Variants in FUBP1 observed in about 807,000 individuals in gnomAD.
FUBP1 encodes the protein far upstream element binding protein 1, also known as far upstream element-binding protein 1.
A neutral mutation model predicts 94.9 loss-of-function variants in FUBP1; 16 were observed. The ratio of observed to expected loss-of-function variants is 0.17; its 90% CI spans 0.11 to 0.26. FUBP1 has a LOEUF of 0.26. FUBP1 is among the 10% of genes least tolerant of loss of function. The pLI, the probability that FUBP1 is intolerant of heterozygous loss-of-function variation, is 1.00. For synonymous variants in FUBP1, 279 were observed against 254.9 expected (o/e 1.09, Z -0.90); for missense variants, 583 against 808.6 (o/e 0.72, Z 3.38).
At position 77,944,098 on chromosome 1, in the gene FUBP1, A is replaced by G. The variant is rs1294597357; in HGVS notation, c.*4668T>C. 1 of 185,626 alleles carries G rather than the reference A, an allele frequency of 5.4e-6. No individual in the cohort carries two copies. Among genetic ancestry groups the G allele is most frequent in the Non-Finnish European group, 1.1e-5 (1 of 87,664 alleles). The allele number at this position is 185,626 out of a possible 1,614,324, so 11.5% of individuals were successfully genotyped here. A position where few individuals can be genotyped will look rare whatever the true frequency, so the allele number is the denominator to read the frequency against. ...ATTTATTGAGGAAACCATAATGAAT[A>G]CAAAATTACAGCAATCATGTGACCT... On this transcript the variant is annotated 3_prime_UTR_variant, in exon 20 of 20. Transcript: ENST00000370768.
At chr1:77,974,221 C>T (rs1442462905) in intron 1 of FUBP1, among the ~76,000 whole-genome samples, 1 of 151,310 alleles carries the variant, frequency 6.6e-6, no homozygotes, top group Admixed American at 6.6e-5. Flanking sequence ...CTGCAAGCTC[C>T]ACCTCCCGGG....
chr1:77,949,113 C>T, intron 19 of FUBP1, 42 bp downstream of exon 19: 1 of 1,563,742 alleles, frequency 6.4e-7, no homozygotes, highest in South Asian at 1.1e-5. Context: ...ATGCAGAAAA[C>T]AGACTGGAGT....
intron 14 of FUBP1, among the ~76,000 whole-genome samples, chr1:77,961,529 C>T (rs1047141398): frequency 2.6e-5 from 4 of 152,186 alleles, no homozygotes; most frequent in African/African-American, 9.7e-5. Flanking sequence ...ATCCCTACAA[C>T]TCTATGAAGT....
intron 2 of FUBP1, among the ~76,000 whole-genome samples, chr1:77,969,502 T>C (rs553633930): frequency 5.1e-4 from 78 of 152,004 alleles, no homozygotes; most frequent in Admixed American, 3.1e-3. Flanking sequence ...TAGCAAACTA[T>C]AGGAATTTCA....
chr1:77,968,965 C>A, intron 2 of FUBP1: 1 of 551,238 alleles, frequency 1.8e-6, no homozygotes, highest in Non-Finnish European at 3.2e-6. Context: ...ATTTAAGAAT[C>A]CACTGGTTTA....
chr1:77,966,686 A>C lies in FUBP1; in HGVS notation c.473+8T>G, dbSNP rs199808878. 1.4e-6 allele frequency: 2 copies of C among 1,428,148 alleles called. No individual in the cohort carries two copies. Among genetic ancestry groups the C allele is most frequent in the Admixed American group, 3.4e-5 (2 of 58,362 alleles). 88.5% of individuals were successfully genotyped at this position (1,428,148 alleles called of 1,614,324 possible). On this transcript the variant is annotated splice_region_variant and intron_variant, in intron 7 of 19. Transcript: ENST00000370768. ...CTTAAGTAGATTTTTAAGATTTTTC[A>C]AACTTACTGGACAGATTCAGGTGTT...
intron 17 of FUBP1, among the ~76,000 whole-genome samples, chr1:77,955,835 C>T (rs917605870): frequency 6.6e-6 from 1 of 152,108 alleles, no homozygotes; most frequent in Non-Finnish European, 1.5e-5. Flanking sequence ...AACAAGCATA[C>T]TCAAGTCTCG....
chr1:77,979,247 G>A (rs1659378749), upstream of FUBP1: 1 of 480,890 alleles, frequency 2.1e-6, no homozygotes, highest in Non-Finnish European at 3.7e-6. Flanking sequence ...TTAAGACTTC[G>A]CGAGAACAGA....
intron 7 of FUBP1, 131 bp from the exon 8 acceptor site, chr1:77,965,362 T>A: frequency 2.1e-6 from 1 of 473,772 alleles, no homozygotes; most frequent in Non-Finnish European, 3.7e-6. Flanking sequence ...ATGCTAACTT[T>A]AACAATGCTT....
chr1:77,975,824 T>C (rs1396948060), intron 1 of FUBP1, among the ~76,000 whole-genome samples: 1 of 152,136 alleles, frequency 6.6e-6, no homozygotes, highest in Non-Finnish European at 1.5e-5. Flanking sequence ...TGTCCCTGTG[T>C]TGAATTTAGC....
intron 14 of FUBP1, among the ~76,000 whole-genome samples, chr1:77,961,793 G>A (rs753735774): frequency 5.3e-5 from 8 of 152,198 alleles, no homozygotes; most frequent in Non-Finnish European, 8.8e-5. Context: ...CAAGATGAGT[G>A]CTATTCATTT....
rs1315396529 is a variant in FUBP1 at position 77,964,870 on chromosome 1, T to C, written c.735A>G (p.Gln245=). 6.3e-7 allele frequency: 1 copy of C among 1,588,376 alleles called. No individual in the cohort carries two copies. The highest frequency in any genetic ancestry group is 8.6e-7 in the Non-Finnish European group (1 of 1,156,690). ...LRITGDPYKV[Q]QAKEMVLELI... Reference sequence around the variant, plus strand: ...TTATAAAGTATAAAGTTAAGTTTACTTGAACTTTATATGGGTCTCCTGTAA... The same window carrying C: ...TTATAAAGTATAAAGTTAAGTTTACCTGAACTTTATATGGGTCTCCTGTAA... The change falls in exon 9 of 20, where the codon CAA becomes CAG. Residue 245 remains glutamine, a splice_region_variant and synonymous_variant. Transcript: ENST00000370768.
At chr1:77,954,356 G>A (rs938760091) in intron 18 of FUBP1, among the ~76,000 whole-genome samples, 1 of 152,086 alleles carries the variant, frequency 6.6e-6, no homozygotes, top group African/African-American at 2.4e-5. Context: ...CCTAAGCTAG[G>A]TCACAAAAAC....
intron 18 of FUBP1, 80 bp downstream of exon 18, chr1:77,955,175 T>C (rs1408949087): frequency 1.5e-6 from 1 of 683,488 alleles, no homozygotes. Flanking sequence ...AGTGATTTTA[T>C]TCAATTATTC....
In FUBP1 at chr1:77,948,499, C is replaced by A; in HGVS notation, c.*267G>T. ...TACATTTATATCACAAAGCATCAAC[C>A]ACATAATTGCAAATACATTTGCTGG... On this transcript the variant is annotated 3_prime_UTR_variant, in exon 20 of 20. Transcript: ENST00000370768. The A allele has an allele frequency of 8.1e-7, 1 of 1,227,454 alleles. No individual in the cohort carries two copies. 76.0% of individuals were successfully genotyped at this position (1,227,454 alleles called of 1,614,324 possible). A position where few individuals can be genotyped will look rare whatever the true frequency, so the allele number is the denominator to read the frequency against.
chr1:77,969,016 T>TC, intron 2 of FUBP1: 5 of 1,198,912 alleles, frequency 4.2e-6, no homozygotes, highest in Non-Finnish European at 5.6e-6. Flanking sequence ...AAATAAAAAT[T>TC]CCTGCCTTTA....
chr1:77,967,451 T>C (rs1244157637), intron 4 of FUBP1, among the ~76,000 whole-genome samples, 176 bp downstream of exon 4: 3 of 152,116 alleles, frequency 2.0e-5, no homozygotes, highest in African/African-American at 7.2e-5. Context: ...ATCACAAATT[T>C]TTCTCACTCA....
intron 2 of FUBP1, chr1:77,969,145 T>C (rs1657048046): frequency 3.5e-6 from 2 of 578,024 alleles, no homozygotes; most frequent in South Asian, 3.6e-5. Flanking sequence ...TAGCTCATTT[T>C]TTTTCTACAT....
At chr1:77,967,006 GTTT>G in intron 5 of FUBP1, 40 bp downstream of exon 5, 1 of 1,526,618 alleles carries the variant, frequency 6.6e-7, no homozygotes, top group South Asian at 1.2e-5. Context: ...TCTAAAGTAT[GTTT>G]TGATCATGTT....
Sources: gnomAD v4.1 joint callset for allele counts (sites outside exome capture counted in the v4.1 genomes callset) on GRCh38, gnomAD v4.1.1 for gene constraint, MANE v1.5 for transcripts, NCBI Gene and HGNC (gene_info 2026-07-23, HGNC 2026-07-21) for gene names.